MIOS: variants seen among roughly 807,000 people sequenced by gnomAD.
MIOS encodes GATOR2 complex protein MIOS.
Under a neutral mutation model 96.9 loss-of-function variants are expected in MIOS, and 52 were observed. The ratio of observed to expected loss-of-function variants is 0.54; its 90% CI spans 0.43 to 0.68. The LOEUF (loss-of-function observed/expected upper bound fraction) is 0.68, where lower values mean the gene tolerates loss of function less well. Ranked by LOEUF, MIOS falls within the 30% of genes least tolerant of loss-of-function variation. The pLI, the probability that MIOS is intolerant of heterozygous loss-of-function variation, is 0.00. For missense variants in MIOS, 1,005 were observed against 1,052.8 expected, an observed-to-expected ratio of 0.95 and a Z score of 0.63; for synonymous variants, 397 against 359.5, an observed-to-expected ratio of 1.10 and a Z score of -1.18.
In MIOS at chr7:7,573,525, C is replaced by T. The variant is rs1303213890; in HGVS notation, c.1050C>T (p.Phe350=). 1.1e-5 allele frequency: 17 copies of T among 1,614,008 alleles called. No individual in the cohort carries two copies. The highest frequency in any genetic ancestry group is 1.4e-5 in the Non-Finnish European group (16 of 1,179,962). The stretch of plus-strand genomic sequence containing the variant: ...CTCCCAACCGAACAATGTCAGACTT[C>T]ACTGTTTTTGAAAGGATATCTCTTG... ...VVTPNRTMSD[F]TVFERISLAW... is the part of the protein sequence containing the mutation. The change falls in exon 4 of 13, where the codon TTC becomes TTT. Residue 350 remains phenylalanine (F), a synonymous_variant. Coordinates refer to ENST00000340080, the MANE Select transcript of MIOS (RefSeq NM_019005.4). The surrounding 1 kb of genome is among the most constrained non-coding windows in gnomAD (Gnocchi z 5.0).
chr7:7,580,625 C>CACAA (rs1327633295), intron 5 of MIOS, among the ~76,000 whole-genome samples: 1 of 151,576 alleles, frequency 6.6e-6, no homozygotes, highest in Non-Finnish European at 1.5e-5. Context: ...CAGATAATCA[C>CACAA]ACAAGGTTTT....
intron 11 of MIOS, among the ~76,000 whole-genome samples, chr7:7,602,673 C>T (rs1202964116): frequency 3.3e-5 from 5 of 152,210 alleles, no homozygotes; most frequent in East Asian, 1.9e-4. Context: ...AGATTCAGTG[C>T]CATCCCCATC....
intron 12 of MIOS, among the ~76,000 whole-genome samples, chr7:7,606,474 G>A (rs529658665): frequency 6.6e-6 from 1 of 152,240 alleles, no homozygotes; most frequent in Middle Eastern, 3.4e-3. Flanking sequence ...ATGTAGTCAC[G>A]CAATTAAGAC....
chr7:7,585,419 T>TCCCCC, intron 6 of MIOS, among the ~76,000 whole-genome samples: 1 of 145,628 alleles, frequency 6.9e-6, no homozygotes, highest in South Asian at 2.2e-4. Context: ...CCCCCCCCTT[T>TCCCCC]TTTTTTTTTT....
intron 11 of MIOS, among the ~76,000 whole-genome samples, chr7:7,604,519 G>C (rs563497782): frequency 6.6e-6 from 1 of 152,080 alleles, no homozygotes; most frequent in Admixed American, 6.6e-5. Context: ...GACAAAAATC[G>C]CTGCCCTTAC....
chr7:7,583,175 A>C lies in MIOS; in HGVS notation c.1451A>C (p.Gln484Pro). ...WSGLDKQSDI[Q>P]NLNEERILAL... Reference sequence around the variant, plus strand: ...GGGTTGGATAAGCAAAGTGATATTCAAAATTTAAATGAAGAGAGAATCTTA... The same window carrying C: ...GGGTTGGATAAGCAAAGTGATATTCCAAATTTAAATGAAGAGAGAATCTTA... Residue 484 changes from glutamine (Q) to proline (P), a missense_variant, in exon 6 of 13, where the codon CAA becomes CCA. By Grantham distance (76) the Gln-to-Pro change is moderately conservative. Coordinates refer to ENST00000340080, the MANE Select transcript of MIOS (RefSeq NM_019005.4). The C allele has an allele frequency of 6.2e-7, 1 of 1,614,164 alleles. No individual in the cohort carries two copies. The highest frequency in any genetic ancestry group is 8.5e-7 in the Non-Finnish European group (1 of 1,179,986).
chr7:7,598,060 C>T (rs1312549517), intron 11 of MIOS, among the ~76,000 whole-genome samples: 1 of 152,122 alleles, frequency 6.6e-6, no homozygotes, highest in Non-Finnish European at 1.5e-5. Context: ...AATTAAATAT[C>T]TTATACCTGG....
At chr7:7,589,004 G>C (rs1035763780) in intron 8 of MIOS, among the ~76,000 whole-genome samples, 1 of 152,022 alleles carries the variant, frequency 6.6e-6, no homozygotes, top group Non-Finnish European at 1.5e-5. Flanking sequence ...GTTTGGGGTG[G>C]GTTGAAGTCA....
At chr7:7,579,001 G>A (rs1375849894) in intron 5 of MIOS, among the ~76,000 whole-genome samples, 1 of 152,098 alleles carries the variant, frequency 6.6e-6, no homozygotes, top group African/African-American at 2.4e-5. Flanking sequence ...ATGAGCCATC[G>A]TGCCTGGCCT....
Position 7,608,093 on chromosome 7 carries a change from C to G in MIOS, c.*1001C>G, listed in dbSNP as rs535458791. The G allele has an allele frequency of 1.3e-5, 2 of 152,052 alleles. No homozygotes were observed. Among genetic ancestry groups the G allele is most frequent in the Admixed American group, 1.3e-4 (2 of 15,234 alleles). 9.4% of individuals were successfully genotyped at this position (152,052 alleles called of 1,614,324 possible). A position where few individuals can be genotyped will look rare whatever the true frequency, so the allele number is the denominator to read the frequency against. On this transcript the variant is annotated 3_prime_UTR_variant, in exon 13 of 13. Coordinates refer to ENST00000340080, the MANE Select transcript of MIOS (RefSeq NM_019005.4). The stretch of plus-strand genomic sequence containing the variant: ...AAGTGTTGGGGAAATGGGGTCACTT[C>G]AGAGACCATTTTAGATGTAAGTTTT...
chr7:7,601,449 T>C lies in MIOS; in HGVS notation c.2402-4493T>C, dbSNP rs956309455. Among the ~76,000 whole-genome samples, 37 of 152,148 alleles carry C rather than the reference T, an allele frequency of 2.4e-4. 1 individual carries two copies. The highest frequency in any genetic ancestry group is 7.7e-4 in the African/African-American group (32 of 41,536). On this transcript the variant is annotated intron_variant, in intron 11 of 12. Transcript: ENST00000340080. ...TCAGAGAATACCATAAACACCTCTA[T>C]GCAAATAAACTAGAAAATCTAGAAG...
chr7:7,600,189 A>G (rs1190355329), intron 11 of MIOS, among the ~76,000 whole-genome samples: 1 of 62,648 alleles, frequency 1.6e-5, no homozygotes, highest in African/African-American at 6.8e-5. Flanking sequence ...AAAAAGAAAA[A>G]GAAGCAAATT....
rs773490753 is a variant in MIOS at position 7,594,966 on chromosome 7, T to A, written c.2044-14T>A. On this transcript the variant is annotated splice_polypyrimidine_tract_variant and intron_variant, in intron 9 of 12. Transcript: ENST00000340080. ...GATTTTAAACAATTGAAATAATTCA[T>A]GTTTTCGTTTTAGGGTTCACCTTTA... 1 of 1,578,616 alleles carries A rather than the reference T, an allele frequency of 6.3e-7. No homozygotes were observed. Among genetic ancestry groups the A allele is most frequent in the South Asian group, 1.2e-5 (1 of 85,862 alleles).
Position 7,606,887 on chromosome 7 carries a change from T to C in MIOS, c.2532-109T>C, listed in dbSNP as rs143754070. On this transcript the variant is annotated intron_variant, in intron 12 of 12. Coordinates refer to ENST00000340080, the MANE Select transcript of MIOS (RefSeq NM_019005.4). ...GATCACTTGAGCCCAAAAGTGTGCGTACAGCCTGGGAAATATAGGGAGACC... is the reference window on the plus strand; with the variant it reads ...GATCACTTGAGCCCAAAAGTGTGCGCACAGCCTGGGAAATATAGGGAGACC... 4.0e-4 allele frequency: 344 copies of C among 852,408 alleles called. 2 individuals carry two copies. In the African/African-American group the frequency reaches 5.6e-3, roughly 14 times the overall value. 52.8% of individuals were successfully genotyped at this position (852,408 alleles called of 1,614,324 possible). A position where few individuals can be genotyped will look rare whatever the true frequency, so the allele number is the denominator to read the frequency against.
chr7:7,600,405 G>A (rs567428939), intron 11 of MIOS, among the ~76,000 whole-genome samples: 1 of 152,176 alleles, frequency 6.6e-6, no homozygotes, highest in East Asian at 1.9e-4. Context: ...AACAAAAAAA[G>A]GCAGGCGTTG....
chr7:7,568,748 T>A (rs1312881837), intron 3 of MIOS, among the ~76,000 whole-genome samples: 1 of 152,236 alleles, frequency 6.6e-6, no homozygotes, highest in African/African-American at 2.4e-5. Context: ...TTGAGAGACC[T>A]TGGATAACCA....
chr7:7,578,810 A>G (rs1783619405), intron 5 of MIOS, among the ~76,000 whole-genome samples: 1 of 151,974 alleles, frequency 6.6e-6, no homozygotes, highest in South Asian at 2.1e-4. Context: ...TCCTGGGTTC[A>G]AGTGATTTTC....
chr7:7,587,818 T>C (rs551761128), intron 7 of MIOS, among the ~76,000 whole-genome samples: 2 of 152,328 alleles, frequency 1.3e-5, no homozygotes, highest in East Asian at 3.9e-4. Context: ...TTGGATCTTT[T>C]TTCCACCCTT....
In MIOS at chr7:7,573,540, G is replaced by C; in HGVS notation, c.1065G>C (p.Arg355Ser). Reference protein sequence around the residue: ...RTMSDFTVFERISLAWSPITS... With the variant: ...RTMSDFTVFESISLAWSPITS... The stretch of plus-strand genomic sequence containing the variant: ...TGTCAGACTTCACTGTTTTTGAAAG[G>C]ATATCTCTTGCCTGGAGCCCAATTA... The change falls in exon 4 of 13, where the codon AGG (arginine) becomes AGC (serine). Residue 355 changes from arginine (R) to serine (S), a missense_variant. Physicochemically the swap from Arg to Ser is moderately radical, Grantham distance 110 (BLOSUM62 -1). Transcript: ENST00000340080. This position sits in a 1 kb window ranked among gnomAD's most constrained non-coding sequence, Gnocchi z 5.0. 1.2e-6 allele frequency: 2 copies of C among 1,614,112 alleles called. No individual in the cohort carries two copies. Among genetic ancestry groups the C allele is most frequent in the Non-Finnish European group, 1.7e-6 (2 of 1,179,944 alleles).
Sources: gnomAD v4.1 joint callset for allele counts (sites outside exome capture counted in the v4.1 genomes callset) on GRCh38, gnomAD v4.1.1 for gene constraint, Gnocchi (gnomAD v3.1) non-coding constraint, MANE v1.5 for transcripts, NCBI Gene and HGNC (gene_info 2026-07-23, HGNC 2026-07-21) for gene names.